CTNNA3: variants seen among roughly 807,000 people sequenced by gnomAD.
CTNNA3 encodes catenin alpha-3.
In CTNNA3, 76 loss-of-function variants were observed where a neutral mutation model predicts 95.7. That is an observed-to-expected ratio of 0.79 (90% CI 0.66 to 0.96). The LOEUF is 0.96. Among genes scored for constraint, CTNNA3 ranks in the 40% least tolerant of loss-of-function variants. CTNNA3 has a pLI of 0.00. For synonymous variants in CTNNA3, 431 were observed against 374.4 expected, an observed-to-expected ratio of 1.15 and a Z score of -1.74; for missense variants, 1,191 against 1,089.8, an observed-to-expected ratio of 1.09 and a Z score of -1.31.
chr10:67,670,465 T>A (rs571625642), intron 1 of CTNNA3, among the ~76,000 whole-genome samples: 1 of 152,360 alleles, frequency 6.6e-6, no homozygotes, highest in Admixed American at 6.5e-5. Flanking sequence ...AACTATAACA[T>A]CATTCCTATT....
chr10:66,241,134 T>C (rs1175627237), intron 13 of CTNNA3, among the ~76,000 whole-genome samples: 1 of 132,274 alleles, frequency 7.6e-6, no homozygotes, highest in Non-Finnish European at 1.6e-5. Context: ...ACCTTAAATA[T>C]TAATTGTCTT....
At chr10:66,780,497 C>G (rs566744632) in intron 7 of CTNNA3, among the ~76,000 whole-genome samples, 2 of 152,212 alleles carry the variant, frequency 1.3e-5, no homozygotes, top group East Asian at 3.9e-4. Context: ...CCAGCAGTGA[C>G]AGCTGGCTAG....
At chr10:66,508,214 T>G (rs1220110529) in intron 11 of CTNNA3, among the ~76,000 whole-genome samples, 3 of 149,126 alleles carry the variant, frequency 2.0e-5, no homozygotes, top group East Asian at 1.9e-4. Flanking sequence ...TTTTCTGTTT[T>G]TTTTTTTTTT....
rs1335825570 is a variant in CTNNA3 at position 65,993,287 on chromosome 10, T to C, written c.2160-4490A>G. 2.0e-5 allele frequency among the ~76,000 whole-genome samples: 3 copies of C among 151,912 alleles called. No individual in the cohort carries two copies. The East Asian group carries it at 5.8e-4, about 29-fold the overall frequency. On this transcript the variant is annotated intron_variant, in intron 15 of 17. Transcript: ENST00000433211. Reference sequence around the variant, plus strand: ...GGTCTAAAGTGCAGTTTAAATACAATGTTTCTTTTTAAATTTTCTGTCTAG... The same window carrying C: ...GGTCTAAAGTGCAGTTTAAATACAACGTTTCTTTTTAAATTTTCTGTCTAG...
chr10:67,165,630 T>C (rs1469956287), intron 7 of CTNNA3, among the ~76,000 whole-genome samples: 1 of 152,220 alleles, frequency 6.6e-6, no homozygotes, highest in African/African-American at 2.4e-5. Flanking sequence ...TTCCTTTGAA[T>C]CTATAATTAT....
chr10:67,330,226 A>C (rs989888188), intron 5 of CTNNA3, among the ~76,000 whole-genome samples: 4 of 152,184 alleles, frequency 2.6e-5, no homozygotes, highest in African/African-American at 9.7e-5. Flanking sequence ...GCAACATCTC[A>C]CTGTCACATC....
Position 66,007,784 on chromosome 10 carries a change from T to G in CTNNA3, c.2160-18987A>C, listed in dbSNP as rs551679254. Among the ~76,000 whole-genome samples the G allele has an allele frequency of 1.9e-3, 209 of 110,226 alleles. 2 individuals are homozygous for G. Among genetic ancestry groups the G allele is most frequent in the African/African-American group, 7.3e-3 (202 of 27,626 alleles). 72.3% of individuals were successfully genotyped at this position (110,226 alleles called of 152,430 possible). ...TCCCTCCCTCTCTTCCTTCCTTTCCTCCCTTCCTCCCTTCCTTCCTCCCTC... is the reference window on the plus strand; with the variant it reads ...TCCCTCCCTCTCTTCCTTCCTTTCCGCCCTTCCTCCCTTCCTTCCTCCCTC... On this transcript the variant is annotated intron_variant, in intron 15 of 17. Coordinates refer to ENST00000433211, the MANE Select transcript of CTNNA3 (RefSeq NM_013266.4).
chr10:66,640,662 A>AT (rs1427585814), intron 9 of CTNNA3, among the ~76,000 whole-genome samples: 1 of 152,010 alleles, frequency 6.6e-6, no homozygotes, highest in Non-Finnish European at 1.5e-5. Flanking sequence ...CAGAATACTC[A>AT]TTTTTTCGGT....
chr10:66,720,678 C>A (rs928134840), intron 9 of CTNNA3, among the ~76,000 whole-genome samples: 7 of 151,830 alleles, frequency 4.6e-5, no homozygotes, highest in African/African-American at 1.7e-4. Context: ...ACTAAAAATA[C>A]AAAAAAATAG....
chr10:66,329,592 C>A (rs996234187), intron 12 of CTNNA3, among the ~76,000 whole-genome samples: 1 of 146,932 alleles, frequency 6.8e-6, no homozygotes, highest in Non-Finnish European at 1.5e-5. Context: ...AAAAAAAAAA[C>A]CTACTACAAA....
chr10:66,417,792 A>G (rs924501950), intron 11 of CTNNA3, among the ~76,000 whole-genome samples: 3 of 151,940 alleles, frequency 2.0e-5, no homozygotes, highest in Non-Finnish European at 4.4e-5. Context: ...GTGTCAATGA[A>G]GAAATTTAAA....
At chr10:66,294,480 A>G (rs1484896142) in intron 12 of CTNNA3, among the ~76,000 whole-genome samples, 1 of 152,200 alleles carries the variant, frequency 6.6e-6, no homozygotes, top group Non-Finnish European at 1.5e-5. Context: ...GTAATACTAA[A>G]AAGACTGGAA....
chr10:67,138,939 C>T lies in CTNNA3; in HGVS notation c.1047+41378G>A, dbSNP rs568079638. Among the ~76,000 whole-genome samples, 11 of 152,094 alleles carry T rather than the reference C, an allele frequency of 7.2e-5. No homozygotes were observed. The East Asian group carries it at 1.9e-3, about 27-fold the overall frequency. On this transcript the variant is annotated intron_variant, in intron 7 of 17. Coordinates refer to ENST00000433211, the MANE Select transcript of CTNNA3 (RefSeq NM_013266.4). ...TTTTCTTGGAAAACAGAAATGAGCA[C>T]GGATCTTAGAAAGCTCTTATATATT...
intron 2 of CTNNA3, among the ~76,000 whole-genome samples, chr10:67,630,114 T>C (rs915483665): frequency 6.6e-6 from 1 of 152,294 alleles, no homozygotes; most frequent in South Asian, 2.1e-4. Context: ...TAAAGTTAGC[T>C]GTAACAAGGG....
At chr10:67,130,907 T>C (rs919661995) in intron 7 of CTNNA3, among the ~76,000 whole-genome samples, 3 of 152,076 alleles carry the variant, frequency 2.0e-5, no homozygotes, top group African/African-American at 4.8e-5. Flanking sequence ...TCTGGCATTT[T>C]GGACAGGCAT....
At chr10:66,357,984 G>A (rs61867316) in intron 12 of CTNNA3, among the ~76,000 whole-genome samples, 226 of 152,116 alleles carry the variant, frequency 1.5e-3, no homozygotes, top group Non-Finnish European at 2.9e-3. Flanking sequence ...AAAGGTACGT[G>A]TCCTTCAAGC....
At chr10:66,069,901 C>G (rs573223113) in intron 14 of CTNNA3, among the ~76,000 whole-genome samples, 1 of 152,102 alleles carries the variant, frequency 6.6e-6, no homozygotes, top group Admixed American at 6.5e-5. Flanking sequence ...ACTATGTCTA[C>G]CTATGTGTAT....
At chr10:67,245,578 G>T (rs1865872074) in intron 5 of CTNNA3, among the ~76,000 whole-genome samples, 1 of 152,086 alleles carries the variant, frequency 6.6e-6, no homozygotes, top group Non-Finnish European at 1.5e-5. Flanking sequence ...CAGAGAATTG[G>T]CCAGGTGCTA....
intron 7 of CTNNA3, among the ~76,000 whole-genome samples, chr10:67,126,995 CA>C (rs1463364420): frequency 5.3e-5 from 8 of 152,270 alleles, no homozygotes; most frequent in African/African-American, 1.7e-4. Flanking sequence ...TGAATTCCAT[CA>C]AACCTTTTAA....
Sources: gnomAD v4.1 joint callset for allele counts (sites outside exome capture counted in the v4.1 genomes callset) on GRCh38, gnomAD v4.1.1 for gene constraint, MANE v1.5 for transcripts, NCBI Gene and HGNC (gene_info 2026-07-23, HGNC 2026-07-21) for gene names.